Variants in UBASH3B observed in about 807,000 individuals in gnomAD.
UBASH3B encodes the protein ubiquitin-associated and SH3 domain-containing protein B.
UBASH3B carries 37 observed loss-of-function variants against 83.4 expected under a neutral mutation model. The ratio of observed to expected loss-of-function variants is 0.44; its 90% CI spans 0.34 to 0.58. The LOEUF (loss-of-function observed/expected upper bound fraction) is 0.58, where lower values mean the gene tolerates loss of function less well. Among genes scored for constraint, UBASH3B ranks in the 20% least tolerant of loss-of-function variants. The pLI is 0.01. For missense variants in UBASH3B, 657 were observed against 827.2 expected, an observed-to-expected ratio of 0.79 and a Z score of 2.52; for synonymous variants, 304 against 318.3, an observed-to-expected ratio of 0.96 and a Z score of 0.48.
At chr11:122,728,876 G>T (rs941259555) in intron 1 of UBASH3B, among the ~76,000 whole-genome samples, 1 of 152,200 alleles carries the variant, frequency 6.6e-6, no homozygotes, top group Non-Finnish European at 1.5e-5. Flanking sequence ...GAGCTAGAGG[G>T]TCTTAGGGAT....
intron 1 of UBASH3B, among the ~76,000 whole-genome samples, chr11:122,690,047 T>TG (rs1863862302): frequency 6.6e-6 from 1 of 151,150 alleles, no homozygotes; most frequent in Admixed American, 6.6e-5. Context: ...GGACATTCTC[T>TG]GGGGAGGGTC....
intron 1 of UBASH3B, among the ~76,000 whole-genome samples, chr11:122,674,728 T>TC: frequency 1.2e-5 from 1 of 83,874 alleles, no homozygotes; most frequent in Non-Finnish European, 2.8e-5. Context: ...CAGTTAGTTT[T>TC]TTTTTTTTTT....
Position 122,713,149 on chromosome 11 carries a change from C to T in UBASH3B, c.161+56939C>T, listed in dbSNP as rs537193079. On this transcript the variant is annotated intron_variant, in intron 1 of 13. Transcript: ENST00000284273. ...GTCTTGATCTCCTGACCTTGTGATC[C>T]GCCCACTTCGGCCTCCCAAAGTACT... Among the ~76,000 whole-genome samples the T allele has an allele frequency of 1.8e-4, 28 of 151,996 alleles. No individual in the cohort carries two copies. The South Asian group carries it at 2.3e-3, about 12-fold the overall frequency.
intron 10 of UBASH3B, among the ~76,000 whole-genome samples, chr11:122,799,549 TCCTTGAGAATTTAAA>T (rs1861215760): frequency 6.6e-6 from 1 of 152,138 alleles, no homozygotes; most frequent in South Asian, 2.1e-4. Flanking sequence ...ACTAATGTTT[TCCTTGAGAATTTAAA>T]GTGCTCTTGG....
chr11:122,676,185 T>C (rs903817819), intron 1 of UBASH3B, among the ~76,000 whole-genome samples: 1 of 152,082 alleles, frequency 6.6e-6, no homozygotes, highest in African/African-American at 2.4e-5. Flanking sequence ...GAGGATCGCT[T>C]TGAGCCCAGG....
intron 1 of UBASH3B, among the ~76,000 whole-genome samples, chr11:122,725,342 A>AAAAAAAAAAAAAAAAAAAAAAAAGAGAG: frequency 7.6e-6 from 1 of 130,780 alleles, no homozygotes; most frequent in Non-Finnish European, 1.6e-5. Flanking sequence ...AAAAAAAAAA[A>AAAAAAAAAAAAAAAAAAAAAAAAGAGAG]AAGAAAAGAA....
intron 10 of UBASH3B, among the ~76,000 whole-genome samples, chr11:122,800,383 C>CAAAAAAAAAAAAAA (rs540359065): frequency 2.6e-5 from 2 of 76,658 alleles, no homozygotes; most frequent in Admixed American, 1.4e-4. Flanking sequence ...ACTAAAAATA[C>CAAAAAAAAAAAAAA]AAAAAAAAAA....
At chr11:122,771,805 C>A (rs1028379505) in intron 1 of UBASH3B, among the ~76,000 whole-genome samples, 1 of 150,790 alleles carries the variant, frequency 6.6e-6, no homozygotes, top group African/African-American at 2.4e-5. Flanking sequence ...ATAATAATCA[C>A]CTTTTTATTC....
intron 1 of UBASH3B, among the ~76,000 whole-genome samples, chr11:122,764,080 G>T (rs775204725): frequency 6.6e-6 from 1 of 152,194 alleles, no homozygotes; most frequent in Non-Finnish European, 1.5e-5. Context: ...TTTGAGTGTC[G>T]TTGGAAGGAG....
intron 1 of UBASH3B, among the ~76,000 whole-genome samples, chr11:122,674,018 G>A (rs914867485): frequency 1.2e-4 from 19 of 152,136 alleles, no homozygotes; most frequent in African/African-American, 4.6e-4. Flanking sequence ...CATTTATTAA[G>A]TGTGTGCTCT....
intron 1 of UBASH3B, among the ~76,000 whole-genome samples, chr11:122,688,604 G>A (rs1478365926): frequency 3.5e-5 from 5 of 144,634 alleles, no homozygotes; most frequent in Non-Finnish European, 6.0e-5. Context: ...CCGCCACCAC[G>A]TCTGGCTAAT....
At chr11:122,771,364 C>G (rs962808821) in intron 1 of UBASH3B, among the ~76,000 whole-genome samples, 1 of 152,110 alleles carries the variant, frequency 6.6e-6, no homozygotes, top group African/African-American at 2.4e-5. Context: ...TCCCAAGTAG[C>G]TGGGATTACA....
chr11:122,772,632 G>A (rs1352306061), intron 1 of UBASH3B, among the ~76,000 whole-genome samples: 1 of 152,096 alleles, frequency 6.6e-6, no homozygotes, highest in African/African-American at 2.4e-5. Flanking sequence ...GTGACCCTGG[G>A]GCCAGACCAA....
At chr11:122,752,526 A>G (rs2135968894) in intron 1 of UBASH3B, among the ~76,000 whole-genome samples, 1 of 152,344 alleles carries the variant, frequency 6.6e-6, no homozygotes, top group African/African-American at 2.4e-5. Flanking sequence ...AGCTCCTGCA[A>G]AATGAAGTAG....
At chr11:122,688,625 CTTTTA>C (rs560066242) in intron 1 of UBASH3B, among the ~76,000 whole-genome samples, 17 of 137,400 alleles carry the variant, frequency 1.2e-4, no homozygotes, top group African/African-American at 4.0e-4. Context: ...TTTTTTCTTT[CTTTTA>C]TTTTATTTTA....
intron 1 of UBASH3B, among the ~76,000 whole-genome samples, chr11:122,718,423 G>C (rs1860563095): frequency 6.6e-6 from 1 of 152,162 alleles, no homozygotes; most frequent in Admixed American, 6.5e-5. Context: ...CTTGTGAAAG[G>C]ATGTGGAGTC....
At chr11:122,791,076 T>C (rs1241519610) in intron 6 of UBASH3B, among the ~76,000 whole-genome samples, 1 of 152,228 alleles carries the variant, frequency 6.6e-6, no homozygotes, top group Non-Finnish European at 1.5e-5. Context: ...GTGACTTCGG[T>C]CAGTGCGTCC....
At chr11:122,741,190 C>A (rs1311711863) in intron 1 of UBASH3B, among the ~76,000 whole-genome samples, 1 of 152,134 alleles carries the variant, frequency 6.6e-6, no homozygotes, top group Non-Finnish European at 1.5e-5. Flanking sequence ...TGATGTGATT[C>A]AGATTTTATA....
chr11:122,693,965 T>C (rs917133180), intron 1 of UBASH3B, among the ~76,000 whole-genome samples: 2 of 152,200 alleles, frequency 1.3e-5, no homozygotes, highest in Non-Finnish European at 2.9e-5. Flanking sequence ...GCTTACAATT[T>C]TCCTATGTGA....
Sources: allele counts gnomAD v4.1 joint callset (sites outside exome capture counted in the v4.1 genomes callset), GRCh38; gene constraint gnomAD v4.1.1; transcripts MANE v1.5; gene names NCBI Gene and HGNC (gene_info 2026-07-23, HGNC 2026-07-21).